Variants in COL22A1 observed in about 807,000 individuals in gnomAD.
COL22A1 encodes the protein collagen type XXII alpha 1 chain.
A neutral mutation model predicts 248.9 loss-of-function variants in COL22A1; 221 were observed. The observed-to-expected ratio is 0.89, with a 90% CI of 0.80 to 0.99. The LOEUF (loss-of-function observed/expected upper bound fraction) is 0.99. Ranked by LOEUF, COL22A1 falls within the 50% of genes least tolerant of loss-of-function variation. The pLI, the probability that COL22A1 is intolerant of heterozygous loss-of-function variation, is 0.00. For missense variants in COL22A1, 2,240 were observed against 2,179.0 expected, an observed-to-expected ratio of 1.03 and a Z score of -0.56; for synonymous variants, 891 against 793.4, an observed-to-expected ratio of 1.12 and a Z score of -2.07.
At chr8:138,610,650 C>T (rs1298711346) in intron 56 of COL22A1, among the ~76,000 whole-genome samples, 2 of 152,208 alleles carry the variant, frequency 1.3e-5, no homozygotes, top group Admixed American at 6.5e-5. Flanking sequence ...CTCTGGGGGC[C>T]TTGGGATTTC....
At chr8:138,889,971 CA>C (rs1326066391) in intron 1 of COL22A1, among the ~76,000 whole-genome samples, 1 of 151,996 alleles carries the variant, frequency 6.6e-6, no homozygotes, top group East Asian at 1.9e-4. Context: ...AACATAGATG[CA>C]AAAATATTTA....
intron 1 of COL22A1, among the ~76,000 whole-genome samples, chr8:138,887,964 C>G (rs1271274873): frequency 6.6e-6 from 1 of 152,164 alleles, no homozygotes; most frequent in Non-Finnish European, 1.5e-5. Flanking sequence ...GTTTCCCATG[C>G]ATTTCTTTGT....
At chr8:138,878,922 G>A (rs1823961456) in intron 2 of COL22A1, among the ~76,000 whole-genome samples, 1 of 152,068 alleles carries the variant, frequency 6.6e-6, no homozygotes, top group Admixed American at 6.6e-5. Flanking sequence ...GCAGGAGAAT[G>A]GCGTGAACCC....
chr8:138,598,888 C>A lies in COL22A1; in HGVS notation c.4196G>T (p.Gly1399Val). 6.2e-7 allele frequency: 1 copy of A among 1,614,084 alleles called. No homozygotes were observed. Among genetic ancestry groups the A allele is most frequent in the Non-Finnish European group, 8.5e-7 (1 of 1,179,994 alleles). Reference protein sequence around the residue: ...PGFKGERGDPGIKGDKGPPGG... With the variant: ...PGFKGERGDPVIKGDKGPPGG... ...AGGAGGTCCTTTGTCACCTTTGATC[C>A]CAGGATCTCCCTAAGGAGGAAATAA... The change falls in exon 61 of 65, where the codon GGG becomes GTG. Residue 1399 changes from glycine (G) to valine (V), a missense_variant. Coordinates refer to ENST00000303045, the MANE Select transcript of COL22A1 (RefSeq NM_152888.3).
intron 31 of COL22A1, among the ~76,000 whole-genome samples, chr8:138,702,971 T>C (rs1564217804): frequency 6.6e-6 from 1 of 152,174 alleles, no homozygotes. Context: ...TGAAGCCCAG[T>C]TCCTGGGTCA....
intron 3 of COL22A1, among the ~76,000 whole-genome samples, chr8:138,863,926 G>A (rs1335915236): frequency 6.6e-6 from 1 of 152,192 alleles, no homozygotes; most frequent in Non-Finnish European, 1.5e-5. Flanking sequence ...TCCGCTCTCG[G>A]ATTTATCAGA....
intron 4 of COL22A1, among the ~76,000 whole-genome samples, chr8:138,836,167 A>G (rs11782511): frequency 1.7e-3 from 266 of 152,334 alleles, no homozygotes; most frequent in Non-Finnish European, 2.9e-3. Context: ...GCTACTTGGG[A>G]GGCTGAGGCA....
chr8:138,768,739 C>A, intron 16 of COL22A1, among the ~76,000 whole-genome samples: 1 of 152,042 alleles, frequency 6.6e-6, no homozygotes, highest in East Asian at 1.9e-4. Flanking sequence ...AGTTTGAGAC[C>A]AGCCTGGCCA....
At chr8:138,591,548 G>GACAGAA in intron 63 of COL22A1, 47 bp from the exon 64 acceptor site, 1 of 1,423,574 alleles carries the variant, frequency 7.0e-7, no homozygotes, top group Non-Finnish European at 9.4e-7. Context: ...CCCCGGGGAG[G>GACAGAA]ACAGAAACTG....
intron 47 of COL22A1, among the ~76,000 whole-genome samples, chr8:138,639,007 G>A (rs13263478): frequency 0.015 from 2,257 of 152,258 alleles, 28 homozygotes; most frequent in Non-Finnish European, 0.024. Context: ...AGAGAAGGGC[G>A]CTGACATTTA....
intron 49 of COL22A1, 101 bp downstream of exon 49, chr8:138,634,909 A>C: frequency 1.2e-6 from 1 of 853,032 alleles, no homozygotes; most frequent in East Asian, 2.6e-5. Context: ...GCCATCCCTT[A>C]AAATGAGAGA....
chr8:138,862,110 C>T (rs538319085), intron 3 of COL22A1, among the ~76,000 whole-genome samples: 15 of 151,364 alleles, frequency 9.9e-5, no homozygotes, highest in East Asian at 1.9e-4. Flanking sequence ...CCCAGCCACT[C>T]GGGAGGCTGA....
At chr8:138,645,136 G>A (rs984177285) in intron 47 of COL22A1, among the ~76,000 whole-genome samples, 35 of 152,132 alleles carry the variant, frequency 2.3e-4, no homozygotes, top group African/African-American at 1.4e-4. Context: ...TCAAACTGAC[G>A]CTTTGCTCAT....
At chr8:138,614,385 C>T (rs954197196) in intron 55 of COL22A1, among the ~76,000 whole-genome samples, 7 of 152,164 alleles carry the variant, frequency 4.6e-5, no homozygotes, top group Admixed American at 2.0e-4. Flanking sequence ...GTCTTCCAAG[C>T]GGCCCTGTGA....
intron 3 of COL22A1, among the ~76,000 whole-genome samples, chr8:138,869,011 C>G (rs1208181843): frequency 6.6e-6 from 1 of 152,112 alleles, no homozygotes; most frequent in South Asian, 2.1e-4. Flanking sequence ...GGATTACAGG[C>G]GTGAGCCACA....
At position 138,690,865 on chromosome 8, in the gene COL22A1, C is replaced by T. The variant is rs549307992; in HGVS notation, c.2764G>A (p.Gly922Arg). ...CTGGGACCGGGGGCACCGACATGTC[C>T]GGGAGCACCCTGTTCAGAGACAGAA... ...PGAAGNPGAP[G>R]HVGAPGPSGP... Residue 922 changes from glycine to arginine, a missense_variant, in exon 36 of 65, where the codon GGA becomes AGA. Coordinates refer to ENST00000303045, the MANE Select transcript of COL22A1 (RefSeq NM_152888.3). 11 of 1,609,984 alleles carry T rather than the reference C, an allele frequency of 6.8e-6. No homozygotes were observed. Among genetic ancestry groups the T allele is most frequent in the African/African-American group, 2.7e-5 (2 of 74,894 alleles).
intron 9 of COL22A1, 30 bp from the exon 10 acceptor site, chr8:138,807,842 GT>G (rs1817857253): frequency 6.2e-7 from 1 of 1,611,318 alleles, no homozygotes; most frequent in Non-Finnish European, 8.5e-7. Flanking sequence ...AAAAAAGTAA[GT>G]TTCTATTTTA....
chr8:138,711,066 T>G (rs534330161), intron 30 of COL22A1, among the ~76,000 whole-genome samples: 2 of 152,260 alleles, frequency 1.3e-5, no homozygotes, highest in South Asian at 4.1e-4. Context: ...AACAGCGAGC[T>G]GGAGCAGGTA....
At chr8:138,891,942 T>G (rs888888366) in intron 1 of COL22A1, among the ~76,000 whole-genome samples, 1 of 152,196 alleles carries the variant, frequency 6.6e-6, no homozygotes, top group Admixed American at 6.5e-5. Flanking sequence ...TGAATAACAT[T>G]AATTGATTTT....
Sources: allele counts gnomAD v4.1 joint callset (sites outside exome capture counted in the v4.1 genomes callset), GRCh38; gene constraint gnomAD v4.1.1; transcripts MANE v1.5; gene names NCBI Gene and HGNC (gene_info 2026-07-23, HGNC 2026-07-21).